EHMT1: variants seen among roughly 807,000 people sequenced by gnomAD.
EHMT1 encodes the protein histone-lysine N-methyltransferase EHMT1.
A neutral mutation model predicts 147.2 loss-of-function variants in EHMT1; 15 were observed. That is an observed-to-expected ratio of 0.10 (90% confidence interval 0.07 to 0.16). The LOEUF (loss-of-function observed/expected upper bound fraction) is 0.16, where lower values mean the gene tolerates loss of function less well. EHMT1 is among the 10% of genes least tolerant of loss of function. EHMT1 has a pLI of 1.00. For synonymous variants in EHMT1, 795 were observed against 709.6 expected (o/e 1.12, Z -1.91); for missense variants, 1,587 against 1,772.4 (o/e 0.90, Z 1.88).
Position 137,834,288 on chromosome 9 carries a change from G to A in EHMT1, c.3541-61G>A, listed in dbSNP as rs1956441335. Reference sequence around the variant, plus strand: ...GGGACTGCCATGCATGGCCGTACCCGGCGAGGCCGGCGTGTCGGGGCCTTG... The same window carrying A: ...GGGACTGCCATGCATGGCCGTACCCAGCGAGGCCGGCGTGTCGGGGCCTTG... On this transcript the variant is annotated intron_variant, in intron 25 of 26. Transcript: ENST00000460843. 1.9e-5 allele frequency: 30 copies of A among 1,601,690 alleles called. No individual in the cohort carries two copies. The Middle Eastern group carries it at 3.0e-3, about 159-fold the overall frequency.
At chr9:137,717,613 A>AG (rs1945468664) in intron 3 of EHMT1, among the ~76,000 whole-genome samples, 1 of 142,452 alleles carries the variant, frequency 7.0e-6, no homozygotes, top group Non-Finnish European at 1.5e-5. Flanking sequence ...CTCAAAAAAA[A>AG]AAAAAAAAAA....
chr9:137,740,599 C>T (rs897376478), intron 4 of EHMT1, among the ~76,000 whole-genome samples: 1 of 152,220 alleles, frequency 6.6e-6, no homozygotes, highest in African/African-American at 2.4e-5. Context: ...ACTTCAGCCA[C>T]GTGCTCAAAC....
chr9:137,784,155 T>C (rs761537337), intron 15 of EHMT1: 62 of 1,550,780 alleles, frequency 4.0e-5, no homozygotes, highest in Non-Finnish European at 4.6e-5. Flanking sequence ...TGGTGACTTA[T>C]GGTGAGGACC....
At chr9:137,833,994 C>T in intron 25 of EHMT1, 1 of 337,690 alleles carries the variant, frequency 3.0e-6, no homozygotes, top group Non-Finnish European at 5.6e-6. Context: ...GGCCTCCTTT[C>T]TCCTATTGGT....
chr9:137,747,059 T>C (rs1948600046), intron 6 of EHMT1: 1 of 152,212 alleles, frequency 6.6e-6, no homozygotes, highest in African/African-American at 2.4e-5. Context: ...GTTACGTAAG[T>C]GGCTCCAGAG....
chr9:137,625,396 G>A (rs1843193006), intron 1 of EHMT1, among the ~76,000 whole-genome samples: 1 of 152,080 alleles, frequency 6.6e-6, no homozygotes, highest in Non-Finnish European at 1.5e-5. Context: ...GAGAGAGACA[G>A]TCTCACTATG....
chr9:137,752,823 G>A (rs563425975), intron 7 of EHMT1, among the ~76,000 whole-genome samples: 16 of 152,206 alleles, frequency 1.1e-4, no homozygotes, highest in Admixed American at 3.3e-4. Flanking sequence ...GGCGGGAGCC[G>A]GCAGCAAGGA....
chr9:137,819,958 T>C (rs1339711324), intron 25 of EHMT1: 2 of 152,038 alleles, frequency 1.3e-5, no homozygotes, highest in Non-Finnish European at 1.5e-5. Flanking sequence ...CTGGAATTCA[T>C]CCATTGTCTA....
At chr9:137,680,575 C>T (rs1247101619) in intron 1 of EHMT1, among the ~76,000 whole-genome samples, 1 of 152,222 alleles carries the variant, frequency 6.6e-6, no homozygotes, top group East Asian at 1.9e-4. Context: ...GTACTGTTCA[C>T]GTTCTGTGTG....
chr9:137,631,255 G>C (rs1175123846), intron 1 of EHMT1, among the ~76,000 whole-genome samples: 1 of 152,052 alleles, frequency 6.6e-6, no homozygotes, highest in Non-Finnish European at 1.5e-5. Flanking sequence ...AGCCGGGCGT[G>C]ATGGCGGGCG....
intron 15 of EHMT1, chr9:137,784,274 T>C: frequency 1.4e-6 from 2 of 1,480,868 alleles, no homozygotes; most frequent in Middle Eastern, 3.6e-4. Context: ...TCCTGGGGGC[T>C]GACTCCGCCT....
chr9:137,653,643 C>T (rs1013224287), intron 1 of EHMT1, among the ~76,000 whole-genome samples: 10 of 152,150 alleles, frequency 6.6e-5, no homozygotes, highest in Non-Finnish European at 1.3e-4. Context: ...ATTCTCCTGC[C>T]TCAGCCTCCC....
chr9:137,806,839 C>T (rs558534566), intron 18 of EHMT1, among the ~76,000 whole-genome samples: 9 of 152,370 alleles, frequency 5.9e-5, no homozygotes, highest in Admixed American at 2.6e-4. Flanking sequence ...CTTTAAATGG[C>T]GGTTTCCCTG....
chr9:137,641,065 G>A lies in EHMT1; in HGVS notation c.21+22016G>A, dbSNP rs1045006571. On this transcript the variant is annotated intron_variant, in intron 1 of 26. Coordinates refer to ENST00000460843, the MANE Select transcript of EHMT1 (RefSeq NM_024757.5). ...CCAGTTCCTCCTCCTCATCATCTTC[G>A]TCTTCTCCTTCTTTATCATCCATAT... The A allele has an allele frequency of 2.6e-4, 62 of 237,428 alleles. 1 individual carries two copies. The highest frequency in any genetic ancestry group is 4.0e-4 in the African/African-American group (17 of 42,922). 14.7% of individuals were successfully genotyped at this position (237,428 alleles called of 1,614,324 possible).
intron 1 of EHMT1, among the ~76,000 whole-genome samples, chr9:137,623,036 C>T (rs1290120682): frequency 1.3e-5 from 2 of 151,592 alleles, no homozygotes; most frequent in Non-Finnish European, 2.9e-5. Flanking sequence ...CACAGTGAAA[C>T]CCTGTCTCTG....
intron 18 of EHMT1, chr9:137,802,269 T>C (rs1034544787): frequency 5.0e-6 from 2 of 398,538 alleles, no homozygotes; most frequent in Admixed American, 8.8e-5. Flanking sequence ...CCCACAGAGC[T>C]GTGTCCACCG....
intron 3 of EHMT1, among the ~76,000 whole-genome samples, chr9:137,727,223 CT>C (rs1435299526): frequency 2.6e-5 from 4 of 152,200 alleles, no homozygotes; most frequent in African/African-American, 9.7e-5. Context: ...CTCAAGTGAT[CT>C]TTCCCCCTTG....
At chr9:137,796,500 C>T (rs1174584286) in intron 16 of EHMT1, among the ~76,000 whole-genome samples, 1 of 151,768 alleles carries the variant, frequency 6.6e-6, no homozygotes, top group African/African-American at 2.4e-5. Flanking sequence ...GTCAGGAGAT[C>T]GAGGCCATCC....
rs1950992189 is a variant in EHMT1 at position 137,776,745 on chromosome 9, T to TGAC, written c.1922_1924dup (p.Thr641dup). 1.2e-6 allele frequency: 2 copies of TGAC among 1,613,530 alleles called. No homozygotes were observed. The highest frequency in any genetic ancestry group is 1.7e-6 in the Non-Finnish European group (2 of 1,179,908). The stretch of plus-strand genomic sequence containing the variant: ...GAGGAGAGCTCCAAGGCCAAAGAGG[T>TGAC]GACGATAGCTAAAGCAGACACCACC... On this transcript the variant is annotated inframe_insertion, in exon 12 of 27. Coordinates refer to ENST00000460843, the MANE Select transcript of EHMT1 (RefSeq NM_024757.5). This position sits in a 1 kb window ranked among gnomAD's most constrained non-coding sequence, Gnocchi z 4.4.
Sources: allele counts gnomAD v4.1 joint callset (sites outside exome capture counted in the v4.1 genomes callset), GRCh38; gene constraint gnomAD v4.1.1; non-coding constraint Gnocchi (gnomAD v3.1); transcripts MANE v1.5; gene names NCBI Gene and HGNC (gene_info 2026-07-23, HGNC 2026-07-21).